Variants in SF3B1 observed in about 807,000 individuals in gnomAD.
SF3B1 encodes the protein pre-mRNA processing 10.
SF3B1 carries 12 observed loss-of-function variants against 153.8 expected under a neutral mutation model. That is an observed-to-expected ratio of 0.08 (90% confidence interval 0.05 to 0.13). SF3B1 has a LOEUF of 0.13. Among genes scored for constraint, SF3B1 ranks in the 10% least tolerant of loss-of-function variants. SF3B1 has a pLI of 1.00. For synonymous variants in SF3B1, 498 were observed against 525.2 expected (o/e 0.95, Z 0.71); for missense variants, 513 against 1,606.1 (o/e 0.32, Z 11.63).
intron 6 of SF3B1, among the ~76,000 whole-genome samples, chr2:197,412,568 G>C (rs1453964056): frequency 6.6e-6 from 1 of 151,710 alleles, no homozygotes; most frequent in Non-Finnish European, 1.5e-5. Flanking sequence ...TGTTGGCCAG[G>C]ATGGTCTCAA....
intron 6 of SF3B1, among the ~76,000 whole-genome samples, chr2:197,413,162 A>ATCCCC (rs2085097513): frequency 6.6e-6 from 1 of 152,098 alleles, no homozygotes; most frequent in Non-Finnish European, 1.5e-5. Flanking sequence ...CCACTTTGGG[A>ATCCCC]GGCCAAGGTG....
chr2:197,413,855 G>GC (rs879503162), intron 6 of SF3B1, among the ~76,000 whole-genome samples: 2 of 151,546 alleles, frequency 1.3e-5, no homozygotes, highest in Non-Finnish European at 1.5e-5. Context: ...TCGCAAGACT[G>GC]AAGTGCAGTG....
At chr2:197,418,329 A>G (rs2085188132) in intron 5 of SF3B1, among the ~76,000 whole-genome samples, 180 bp downstream of exon 5, 1 of 151,202 alleles carries the variant, frequency 6.6e-6, no homozygotes, top group African/African-American at 2.4e-5. Context: ...AAAAGGATAT[A>G]GAAATGAAAA....
At chr2:197,422,845 G>C (rs1436316108) in intron 2 of SF3B1, among the ~76,000 whole-genome samples, 1 of 151,358 alleles carries the variant, frequency 6.6e-6, no homozygotes, top group African/African-American at 2.4e-5. Flanking sequence ...AGCCAAGATT[G>C]CACCACTGCA....
At chr2:197,409,685 C>T (rs2105995823) in intron 7 of SF3B1, 85 bp downstream of exon 7, 1 of 1,051,578 alleles carries the variant, frequency 9.5e-7, no homozygotes, top group Non-Finnish European at 1.5e-6. Flanking sequence ...TATACGTGTC[C>T]ACCCAGGAAT....
rs760124427 is a variant in SF3B1, at chr2:197,418,884, CG to C, written c.416-297del. ...GTGATGGGTTCCTGGGTTGCTAATCCGGAATACGTACACTTTCGTGCCTTTG... is the reference window on the plus strand; with the variant it reads ...GTGATGGGTTCCTGGGTTGCTAATCCGAATACGTACACTTTCGTGCCTTTG... On this transcript the variant is annotated intron_variant, in intron 4 of 24. Transcript: ENST00000335508. 10 of 1,583,498 alleles carry C rather than the reference CG, an allele frequency of 6.3e-6. No individual in the cohort carries two copies. The South Asian group carries it at 1.2e-4, about 18-fold the overall frequency.
Position 197,400,595 on chromosome 2 carries a change from C to T in SF3B1, c.2718+120G>A. 2.0e-6 allele frequency: 2 copies of T among 1,018,946 alleles called. No homozygotes were observed. Among genetic ancestry groups the T allele is most frequent in the Non-Finnish European group, 2.9e-6 (2 of 700,534 alleles). The allele number at this position is 1,018,946 out of a possible 1,614,324, so 63.1% of individuals were successfully genotyped here. On this transcript the variant is annotated intron_variant, in intron 18 of 24. Transcript: ENST00000335508. The surrounding 1 kb of genome is among the most constrained non-coding windows in gnomAD (Gnocchi z 5.0). ...TAGAATAATATCGTTTGGTAACCCC[C>T]TGAGCATTTTAAAAATTACTTCAAA...
chr2:197,395,246 A>T (rs1196827703), intron 23 of SF3B1, among the ~76,000 whole-genome samples: 1 of 152,162 alleles, frequency 6.6e-6, no homozygotes, highest in African/African-American at 2.4e-5. Flanking sequence ...CATTTTTTTT[A>T]GCCCTGGGCA....
intron 22 of SF3B1, among the ~76,000 whole-genome samples, chr2:197,397,131 T>A (rs2084883877): frequency 6.6e-6 from 1 of 152,206 alleles, no homozygotes; most frequent in South Asian, 2.1e-4. Flanking sequence ...AAAGCAGCTA[T>A]AATTCAGTTA....
In SF3B1 at chr2:197,413,773, C is replaced by T. The variant is rs1460901828; in HGVS notation, c.666+2968G>A. Among the ~76,000 whole-genome samples the T allele has an allele frequency of 4.0e-5, 6 of 151,710 alleles. 1 individual carries two copies. The highest frequency in any genetic ancestry group is 7.4e-5 in the Non-Finnish European group (5 of 67,932). On this transcript the variant is annotated intron_variant, in intron 6 of 24. Coordinates refer to ENST00000335508, the MANE Select transcript of SF3B1 (RefSeq NM_012433.4). ...AGAGAATAAGGAGTATAGGATGACT[C>T]CCTAAATGTTTTTTTGTTATTGTTG...
At chr2:197,399,932 T>G in intron 20 of SF3B1, 123 bp downstream of exon 20, 1 of 665,642 alleles carries the variant, frequency 1.5e-6, no homozygotes, top group Non-Finnish European at 2.6e-6. Flanking sequence ...ACTACAATCT[T>G]GAAGTGCTTT....
chr2:197,418,944 A>AT (rs2085197418), intron 4 of SF3B1: 1 of 1,600,060 alleles, frequency 6.2e-7, no homozygotes, highest in Non-Finnish European at 8.5e-7. Context: ...AAGCAGCAGA[A>AT]TAGAAGCCTA....
chr2:197,396,084 G>A lies in SF3B1; in HGVS notation c.3511C>T (p.Pro1171Ser). The change falls in exon 23 of 25, where the codon CCG becomes TCG. Residue 1171 changes from proline (P) to serine (S), a missense_variant. Transcript: ENST00000335508. ...TCCATTAAAGCATCTTCAAGTAACG[G>A]TGTTACGGCATAAATGTAGTCTTTT... ...MGKDYIYAVT[P>S]LLEDALMDRD... 1 of 1,613,410 alleles carries A rather than the reference G, an allele frequency of 6.2e-7. No homozygotes were observed. The highest frequency in any genetic ancestry group is 8.5e-7 in the Non-Finnish European group (1 of 1,179,436).
chr2:197,413,843 T>C (rs901070606), intron 6 of SF3B1, among the ~76,000 whole-genome samples: 21 of 151,982 alleles, frequency 1.4e-4, no homozygotes, highest in Admixed American at 1.3e-3. Context: ...AGTCTCGCTG[T>C]GTCGCAAGAC....
chr2:197,427,366 G>T (rs1276749905), intron 1 of SF3B1, among the ~76,000 whole-genome samples: 1 of 152,186 alleles, frequency 6.6e-6, no homozygotes, highest in Non-Finnish European at 1.5e-5. Flanking sequence ...AATGGGCTTT[G>T]TTAACACACT....
chr2:197,429,984 T>C (rs1365741151), intron 1 of SF3B1, among the ~76,000 whole-genome samples: 1 of 151,890 alleles, frequency 6.6e-6, no homozygotes, highest in Non-Finnish European at 1.5e-5. Context: ...CTCCAGACTG[T>C]GCGAAACCAC....
intron 1 of SF3B1, among the ~76,000 whole-genome samples, chr2:197,431,107 T>C (rs371137921): frequency 5.5e-3 from 442 of 80,664 alleles, no homozygotes; most frequent in African/African-American, 0.029. Flanking sequence ...TTTTCTTCTT[T>C]TTTTTTTTTT....
intron 1 of SF3B1, among the ~76,000 whole-genome samples, chr2:197,424,529 TAACA>T (rs924060442): frequency 4.0e-5 from 6 of 150,964 alleles, no homozygotes; most frequent in African/African-American, 9.7e-5. Context: ...AAATATCATC[TAACA>T]AACATATAAC....
At position 197,400,482 on chromosome 2, in the gene SF3B1, G is replaced by A. The variant is rs2105981951; in HGVS notation, c.2719-48C>T. ...AGACATATTCATTTGGTTTATGACTGCACAGTTGAAATACACTAAGAGTCA... is the reference window on the plus strand; with the variant it reads ...AGACATATTCATTTGGTTTATGACTACACAGTTGAAATACACTAAGAGTCA... On this transcript the variant is annotated intron_variant, in intron 18 of 24. Transcript: ENST00000335508. The surrounding 1 kb of genome is among the most constrained non-coding windows in gnomAD (Gnocchi z 5.0). 2.0e-6 allele frequency: 3 copies of A among 1,481,932 alleles called. No homozygotes were observed. Among genetic ancestry groups the A allele is most frequent in the Non-Finnish European group, 2.8e-6 (3 of 1,090,180 alleles). The allele number at this position is 1,481,932 out of a possible 1,614,324, so 91.8% of individuals were successfully genotyped here.
Sources: allele counts gnomAD v4.1 joint callset (sites outside exome capture counted in the v4.1 genomes callset), GRCh38; gene constraint gnomAD v4.1.1; non-coding constraint Gnocchi (gnomAD v3.1); transcripts MANE v1.5; gene names NCBI Gene and HGNC (gene_info 2026-07-23, HGNC 2026-07-21).